The following R3HDM1 variants were observed in gnomAD, a reference collection of about 807,000 sequenced individuals.
The protein encoded by R3HDM1 is R3H domain containing 1, also known as R3H domain-containing protein 1.
A neutral mutation model predicts 141.1 loss-of-function variants in R3HDM1; 46 were observed. That is an observed-to-expected ratio of 0.33 (90% CI 0.26 to 0.42). The LOEUF (loss-of-function observed/expected upper bound fraction) is 0.42, where lower values mean the gene tolerates loss of function less well. Ranked by LOEUF, R3HDM1 falls within the 10% of genes least tolerant of loss-of-function variation. The pLI is 1.00. For synonymous variants in R3HDM1, 435 were observed against 472.9 expected, an observed-to-expected ratio of 0.92 and a Z score of 1.04; for missense variants, 1,184 against 1,368.3, an observed-to-expected ratio of 0.87 and a Z score of 2.12.
intron 21 of R3HDM1, among the ~76,000 whole-genome samples, chr2:135,702,456 C>A (rs2074352026): frequency 6.6e-6 from 1 of 151,918 alleles, no homozygotes; most frequent in Non-Finnish European, 1.5e-5. Context: ...GTCAGGAGAT[C>A]GAGACCATCC....
At chr2:135,597,721 C>G (rs568986834) in intron 1 of R3HDM1, among the ~76,000 whole-genome samples, 2 of 152,222 alleles carry the variant, frequency 1.3e-5, no homozygotes, top group East Asian at 3.9e-4. Context: ...TTGCCAAATT[C>G]TGTTCAGATA....
intron 18 of R3HDM1, among the ~76,000 whole-genome samples, chr2:135,660,835 G>A (rs1457635446): frequency 7.1e-6 from 1 of 141,060 alleles, no homozygotes; most frequent in Non-Finnish European, 1.5e-5. Flanking sequence ...GACAGAATGA[G>A]ACTCCACCTC....
At chr2:135,604,671 A>C (rs2059902734) in intron 2 of R3HDM1, 135 bp from the exon 3 acceptor site, 1 of 607,108 alleles carries the variant, frequency 1.6e-6, no homozygotes, top group Middle Eastern at 4.8e-4. Flanking sequence ...ACAAAATTAT[A>C]TACTCCTTGA....
intron 9 of R3HDM1, 71 bp downstream of exon 9, chr2:135,632,072 T>G: frequency 8.2e-7 from 1 of 1,216,282 alleles, no homozygotes; most frequent in African/African-American, 1.6e-5. Context: ...ATATTACCTT[T>G]CATCTGAGGT....
intron 1 of R3HDM1, among the ~76,000 whole-genome samples, chr2:135,568,170 C>T (rs1022502533): frequency 6.6e-6 from 1 of 152,054 alleles, no homozygotes; most frequent in African/African-American, 2.4e-5. Flanking sequence ...GATTCTCCCA[C>T]CTCAGCCTCA....
rs1375959773 is a variant in R3HDM1 at position 135,680,255 on chromosome 2, G to T, written c.2390G>T (p.Gly797Val). The change falls in exon 21 of 27, where the codon GGA becomes GTA. Residue 797 changes from glycine (G) to valine (V), a missense_variant. This residue lies in a region of R3HDM1 where 563 missense variants were observed against 562.0 expected (regional missense o/e 1.00). Transcript: ENST00000683871. ...ATGTTCCCTAATCAGTCTAATCAAGGATCTATGCCCACAACAGGAATGCCT... is the reference window on the plus strand; with the variant it reads ...ATGTTCCCTAATCAGTCTAATCAAGTATCTATGCCCACAACAGGAATGCCT... Reference protein sequence around the residue: ...PVMFPNQSNQGSMPTTGMPVY... With the variant: ...PVMFPNQSNQVSMPTTGMPVY... 3 of 1,613,822 alleles carry T rather than the reference G, an allele frequency of 1.9e-6. No individual in the cohort carries two copies. Among genetic ancestry groups the T allele is most frequent in the South Asian group, 2.2e-5 (2 of 91,064 alleles).
intron 19 of R3HDM1, chr2:135,667,469 C>A: frequency 2.8e-6 from 1 of 360,488 alleles, no homozygotes; most frequent in Non-Finnish European, 3.9e-6. Flanking sequence ...GCATTTCTTA[C>A]TTTACAAAAT....
intron 19 of R3HDM1, among the ~76,000 whole-genome samples, chr2:135,668,692 C>T (rs551516594): frequency 1.6e-4 from 24 of 152,194 alleles, no homozygotes; most frequent in Admixed American, 4.6e-4. Context: ...TTCAAGACTT[C>T]GCCCATAAAA....
chr2:135,603,497 A>G (rs934833118), intron 2 of R3HDM1, among the ~76,000 whole-genome samples: 2 of 152,192 alleles, frequency 1.3e-5, no homozygotes, highest in African/African-American at 4.8e-5. Flanking sequence ...ATTTTAGCAT[A>G]CTTGCTATAA....
intron 3 of R3HDM1, among the ~76,000 whole-genome samples, chr2:135,614,806 T>C (rs982831288): frequency 4.6e-5 from 7 of 151,404 alleles, no homozygotes; most frequent in African/African-American, 1.7e-4. Flanking sequence ...ACCTGTTGCT[T>C]TTCTCTCTCT....
rs1431176833 is a variant in R3HDM1, at chr2:135,635,994, A to C, written c.803A>C (p.Asn268Thr). Residue 268 changes from asparagine (N) to threonine (T), a missense_variant, in exon 10 of 27, where the codon AAC (asparagine) becomes ACC (threonine). Coordinates refer to ENST00000683871, the MANE Select transcript of R3HDM1 (RefSeq NM_001378107.1). ...AACTCTAGCTTTGACAAAGATGATA[A>C]CCAGGTAATCTAGAACAATTGTAGG... ...RDNSSFDKDDNQMRIRLKDDR... is the reference protein window; with the variant it reads ...RDNSSFDKDDTQMRIRLKDDR... The C allele has an allele frequency of 6.2e-7, 1 of 1,610,874 alleles. No individual in the cohort carries two copies. Among genetic ancestry groups the C allele is most frequent in the Admixed American group, 1.7e-5 (1 of 59,194 alleles).
At chr2:135,566,100 A>T (rs780522798) in intron 1 of R3HDM1, among the ~76,000 whole-genome samples, 1 of 152,180 alleles carries the variant, frequency 6.6e-6, no homozygotes, top group Non-Finnish European at 1.5e-5. Context: ...ATATATTTGA[A>T]ACTTAACTTC....
At chr2:135,635,753 C>A in intron 9 of R3HDM1, 137 bp from the exon 10 acceptor site, 1 of 1,041,470 alleles carries the variant, frequency 9.6e-7, no homozygotes, top group Non-Finnish European at 1.3e-6. Flanking sequence ...CTAAATGAGA[C>A]TGCATAAGCA....
chr2:135,547,247 A>T (rs1698881581), intron 1 of R3HDM1, among the ~76,000 whole-genome samples: 1 of 152,182 alleles, frequency 6.6e-6, no homozygotes, highest in South Asian at 2.1e-4. Flanking sequence ...TAGCATTTTT[A>T]AAAATCAAAA....
intron 1 of R3HDM1, among the ~76,000 whole-genome samples, chr2:135,547,456 T>A (rs1052272706): frequency 1.3e-5 from 2 of 152,012 alleles, no homozygotes; most frequent in African/African-American, 4.8e-5. Context: ...TCGATTTTTT[T>A]TTCTGGAGTT....
chr2:135,697,500 A>C (rs1263553507), intron 21 of R3HDM1, among the ~76,000 whole-genome samples: 1 of 152,238 alleles, frequency 6.6e-6, no homozygotes, highest in Non-Finnish European at 1.5e-5. Context: ...TACTGGAAGT[A>C]ATCCAAATAA....
chr2:135,713,619 G>A (rs2075886240), intron 23 of R3HDM1, among the ~76,000 whole-genome samples: 1 of 152,160 alleles, frequency 6.6e-6, no homozygotes, highest in African/African-American at 2.4e-5. Flanking sequence ...TTAGGAAAAT[G>A]CCCTTAAGTG....
intron 5 of R3HDM1, 57 bp from the exon 6 acceptor site, chr2:135,621,436 TG>T: frequency 9.8e-7 from 1 of 1,015,418 alleles, no homozygotes; most frequent in Non-Finnish European, 1.4e-6. Context: ...TATAAATGTG[TG>T]GTATTAAATG....
chr2:135,677,989 G>A (rs138347858), intron 20 of R3HDM1, among the ~76,000 whole-genome samples: 351 of 152,122 alleles, frequency 2.3e-3, no homozygotes, highest in African/African-American at 8.0e-3. Context: ...TTTTGAGACA[G>A]AGTCTTGCTC....
Sources: allele counts gnomAD v4.1 joint callset (sites outside exome capture counted in the v4.1 genomes callset), GRCh38; gene constraint gnomAD v4.1.1; regional missense constraint gnomAD v4.1.1; transcripts MANE v1.5; gene names NCBI Gene and HGNC (gene_info 2026-07-23, HGNC 2026-07-21).